Variants in LRBA observed in about 807,000 individuals in gnomAD.
LRBA encodes the protein LPS responsive beige-like anchor protein.
In LRBA, 176 loss-of-function variants were observed where a neutral mutation model predicts 330.0. That is an observed-to-expected ratio of 0.53 (90% CI 0.47 to 0.60). The LOEUF (loss-of-function observed/expected upper bound fraction) is 0.60. Ranked by LOEUF, LRBA falls within the 20% of genes least tolerant of loss-of-function variation. LRBA has a pLI of 0.00. For missense variants in LRBA, 3,259 were observed against 3,444.8 expected (o/e 0.95, Z 1.35); for synonymous variants, 1,230 against 1,193.0 (o/e 1.03, Z -0.64).
chr4:150,885,649 A>G (rs1200878585), intron 17 of LRBA, among the ~76,000 whole-genome samples: 1 of 152,110 alleles, frequency 6.6e-6, no homozygotes, highest in Admixed American at 6.5e-5. Flanking sequence ...CAACTAAACA[A>G]ACCACAGTCA....
intron 37 of LRBA, among the ~76,000 whole-genome samples, chr4:150,610,409 G>A (rs561744605): frequency 2.6e-5 from 4 of 152,246 alleles, no homozygotes; most frequent in South Asian, 2.1e-4. Context: ...CCAACATGGC[G>A]AAAACTCGTC....
At chr4:150,889,013 G>GACC (rs927058599) in intron 17 of LRBA, among the ~76,000 whole-genome samples, 1 of 152,172 alleles carries the variant, frequency 6.6e-6, no homozygotes, top group Non-Finnish European at 1.5e-5. Context: ...CAGAAGAGTA[G>GACC]ACCAGCAAGC....
intron 40 of LRBA, among the ~76,000 whole-genome samples, chr4:150,529,340 A>G (rs1269538422): frequency 6.6e-6 from 1 of 152,178 alleles, no homozygotes; most frequent in Non-Finnish European, 1.5e-5. Context: ...CAGGTATCCA[A>G]GTATTTTGTT....
chr4:150,490,795 T>A (rs1758813247), intron 41 of LRBA, 123 bp downstream of exon 41: 1 of 470,086 alleles, frequency 2.1e-6, no homozygotes, highest in East Asian at 3.2e-5. Context: ...AAAAAAGAGG[T>A]CACTAGAACA....
intron 47 of LRBA, among the ~76,000 whole-genome samples, chr4:150,353,101 G>A (rs892778337): frequency 6.6e-6 from 1 of 151,940 alleles, no homozygotes; most frequent in South Asian, 2.1e-4. Flanking sequence ...GTGGCTGTTC[G>A]AAATCTGAGT....
chr4:150,849,475 C>T lies in LRBA; in HGVS notation c.4105G>A (p.Val1369Ile). ...HLISQVMDNM[V>I]MACGGILPLL... is the part of the protein sequence containing the mutation. ...GGCAGTATACCCCCACAAGCCATGACCATATTGTCCATCACTTGAGAGATG... is the reference window on the plus strand; with the variant it reads ...GGCAGTATACCCCCACAAGCCATGATCATATTGTCCATCACTTGAGAGATG... Residue 1369 changes from valine to isoleucine, a missense_variant, in exon 25 of 57, where the codon GTC becomes ATC. Physicochemically the swap from Val to Ile is conservative, Grantham distance 29. Transcript: ENST00000651943. The T allele has an allele frequency of 6.2e-7, 1 of 1,613,596 alleles. No individual in the cohort carries two copies. Among genetic ancestry groups the T allele is most frequent in the Middle Eastern group, 1.6e-4 (1 of 6,062 alleles).
intron 47 of LRBA, among the ~76,000 whole-genome samples, chr4:150,408,086 T>C (rs528009769): frequency 4.8e-4 from 73 of 151,836 alleles, no homozygotes; most frequent in African/African-American, 1.7e-3. Context: ...AGAGACACCA[T>C]AGAGGAAACC....
chr4:150,907,677 A>C (rs567801818), intron 11 of LRBA, among the ~76,000 whole-genome samples: 21 of 152,280 alleles, frequency 1.4e-4, no homozygotes, highest in African/African-American at 5.1e-4. Flanking sequence ...CAATAATTTC[A>C]ATACAAATGA....
In LRBA at chr4:150,487,841, CAG is replaced by C. The variant is rs1758070277; in HGVS notation, c.6449-9_6449-8del. Reference sequence around the variant, plus strand: ...AAGTTGAACATCACAGCAACTACAACAGATGATTTTTAAAAATTAGAACACAG... The same window carrying C: ...AAGTTGAACATCACAGCAACTACAACATGATTTTTAAAAATTAGAACACAG... On this transcript the variant is annotated splice_region_variant and splice_polypyrimidine_tract_variant and intron_variant, in intron 41 of 56. Coordinates refer to ENST00000651943, the MANE Select transcript of LRBA (RefSeq NM_001364905.1). 6.6e-7 allele frequency: 1 copy of C among 1,512,752 alleles called. No individual in the cohort carries two copies. Among genetic ancestry groups the C allele is most frequent in the Non-Finnish European group, 9.1e-7 (1 of 1,099,646 alleles). The allele number at this position is 1,512,752 out of a possible 1,614,324, so 93.7% of individuals were successfully genotyped here. A position where few individuals can be genotyped will look rare whatever the true frequency, so the allele number is the denominator to read the frequency against.
intron 40 of LRBA, among the ~76,000 whole-genome samples, chr4:150,563,508 G>A (rs1019796327): frequency 2.6e-5 from 4 of 152,008 alleles, no homozygotes; most frequent in African/African-American, 7.2e-5. Flanking sequence ...ACTTCTATTC[G>A]ACATAGTATT....
intron 47 of LRBA, among the ~76,000 whole-genome samples, chr4:150,363,260 C>T (rs1738982013): frequency 1.3e-5 from 2 of 152,168 alleles, no homozygotes; most frequent in African/African-American, 4.8e-5. Context: ...GCCTGGCAAA[C>T]CCCTATTCAT....
At chr4:150,425,759 A>G (rs1293375232) in intron 46 of LRBA, among the ~76,000 whole-genome samples, 1 of 152,174 alleles carries the variant, frequency 6.6e-6, no homozygotes, top group Non-Finnish European at 1.5e-5. Flanking sequence ...AAGATAATCA[A>G]AATAGAAATA....
At chr4:150,504,420 G>T (rs1760754526) in intron 40 of LRBA, among the ~76,000 whole-genome samples, 2 of 152,248 alleles carry the variant, frequency 1.3e-5, no homozygotes, top group South Asian at 4.1e-4. Flanking sequence ...CAAGCCAGAA[G>T]AGAGTGGGGG....
intron 2 of LRBA, among the ~76,000 whole-genome samples, chr4:150,978,521 C>T (rs898134272): frequency 6.6e-6 from 1 of 152,064 alleles, no homozygotes; most frequent in African/African-American, 2.4e-5. Flanking sequence ...CATGACCTCA[C>T]CAAAAAACTA....
Position 150,487,799 on chromosome 4 carries a change from C to A in LRBA, c.6484G>T (p.Val2162Leu), listed in dbSNP as rs1394921730. The change falls in exon 42 of 57, where the codon GTA becomes TTA. Residue 2162 changes from valine to leucine, a missense_variant. Physicochemically the swap from Val to Leu is conservative, Grantham distance 32 (BLOSUM62 1). Transcript: ENST00000651943. ...VMFNFPDPATVKKVVNYLPRV... is the reference protein window; with the variant it reads ...VMFNFPDPATLKKVVNYLPRV... ...GGTAGATAGTTAACCACTTTCTTTA[C>A]TGTTGCAGGGTCTGGGAAGTTGAAC... 1 of 1,596,832 alleles carries A rather than the reference C, an allele frequency of 6.3e-7. No homozygotes were observed. Among genetic ancestry groups the A allele is most frequent in the Admixed American group, 1.7e-5 (1 of 59,694 alleles).
chr4:150,924,978 T>C (rs994839044), intron 4 of LRBA, among the ~76,000 whole-genome samples: 1 of 152,006 alleles, frequency 6.6e-6, no homozygotes, highest in African/African-American at 2.4e-5. Context: ...GACACCAGCT[T>C]GGACAACATG....
intron 40 of LRBA, among the ~76,000 whole-genome samples, chr4:150,526,218 T>G (rs1438867755): frequency 6.6e-6 from 1 of 152,172 alleles, no homozygotes; most frequent in African/African-American, 2.4e-5. Flanking sequence ...CCAACTAAAT[T>G]CAGAATGACA....
Position 150,467,127 on chromosome 4 carries a change from G to T in LRBA, c.6780+546C>A, listed in dbSNP as rs536283625. Among the ~76,000 whole-genome samples, 6 of 152,118 alleles carry T rather than the reference G, an allele frequency of 3.9e-5. No individual in the cohort carries two copies. In the East Asian group the frequency reaches 1.2e-3, roughly 29 times the overall value. ...CAAGAAGCTCCCCCGGTCAAAGAAAGAACAACTGAACATCAGTAAATAACT... is the reference window on the plus strand; with the variant it reads ...CAAGAAGCTCCCCCGGTCAAAGAAATAACAACTGAACATCAGTAAATAACT... On this transcript the variant is annotated intron_variant, in intron 44 of 56. Coordinates refer to ENST00000651943, the MANE Select transcript of LRBA (RefSeq NM_001364905.1).
chr4:150,301,397 C>G (rs186358728), intron 53 of LRBA, among the ~76,000 whole-genome samples: 1 of 152,142 alleles, frequency 6.6e-6, no homozygotes, highest in Admixed American at 6.5e-5. Context: ...ACAGGCTTAA[C>G]ATTATTTTTC....
Sources: gnomAD v4.1 joint callset for allele counts (sites outside exome capture counted in the v4.1 genomes callset) on GRCh38, gnomAD v4.1.1 for gene constraint, MANE v1.5 for transcripts, NCBI Gene and HGNC (gene_info 2026-07-23, HGNC 2026-07-21) for gene names.